The following TIAM1 variants were observed in gnomAD, a reference collection of about 807,000 sequenced individuals.
The protein encoded by TIAM1 is TIAM Rac1 associated GEF 1, also known as rho guanine nucleotide exchange factor TIAM1.
In TIAM1, 65 loss-of-function variants were observed where a neutral mutation model predicts 163.5. The observed-to-expected ratio is 0.40, with a 90% CI of 0.33 to 0.49. The LOEUF (loss-of-function observed/expected upper bound fraction) is 0.49, where lower values mean the gene tolerates loss of function less well. Among genes scored for constraint, TIAM1 ranks in the 20% least tolerant of loss-of-function variants. The pLI, the probability that TIAM1 is intolerant of heterozygous loss-of-function variation, is 0.77. For missense variants in TIAM1, 1,789 were observed against 2,044.7 expected, an observed-to-expected ratio of 0.87 and a Z score of 2.41; for synonymous variants, 833 against 810.1, an observed-to-expected ratio of 1.03 and a Z score of -0.48.
chr21:31,243,199 A>G (rs904721555), intron 6 of TIAM1, among the ~76,000 whole-genome samples: 3 of 131,870 alleles, frequency 2.3e-5, no homozygotes, highest in African/African-American at 9.4e-5. Flanking sequence ...TCTCAAAAAA[A>G]AAAAAAAAAA....
chr21:31,242,322 C>T (rs938606033), intron 6 of TIAM1, among the ~76,000 whole-genome samples: 1 of 151,994 alleles, frequency 6.6e-6, no homozygotes, highest in Admixed American at 6.6e-5. Flanking sequence ...GGGTTTGAGA[C>T]CACCCTGGGC....
chr21:31,325,667 C>CAAAAA (rs200884558), intron 2 of TIAM1, among the ~76,000 whole-genome samples: 1 of 99,958 alleles, frequency 1.0e-5, no homozygotes, highest in Non-Finnish European at 2.1e-5. Context: ...GACTCTGACT[C>CAAAAA]AAAAAAAAAA....
intron 2 of TIAM1, among the ~76,000 whole-genome samples, chr21:31,412,841 G>A (rs1481391410): frequency 3.4e-5 from 5 of 148,452 alleles, no homozygotes; most frequent in Non-Finnish European, 7.4e-5. Context: ...TCGCTCGCAT[G>A]TGCAGTTCAC....
chr21:31,488,589 A>C (rs1184118988), intron 1 of TIAM1, among the ~76,000 whole-genome samples: 1 of 152,204 alleles, frequency 6.6e-6, no homozygotes, highest in Non-Finnish European at 1.5e-5. Flanking sequence ...ATCACAGCGG[A>C]AGGTGAAGGA....
Position 31,357,925 on chromosome 21 carries a change from T to G in TIAM1, c.-368-18503A>C, listed in dbSNP as rs151079735. On this transcript the variant is annotated intron_variant, in intron 2 of 28. Transcript: ENST00000286827. ...CTTGCTGGCTGCCTTTGCTGGTTCC[T>G]CCTCTTCTCCCTGACCTCTTAATGT... Among the ~76,000 whole-genome samples the G allele has an allele frequency of 6.6e-3, 1,003 of 152,298 alleles. 16 individuals are homozygous for G. Among genetic ancestry groups the G allele is most frequent in the African/African-American group, 0.023 (974 of 41,576 alleles).
chr21:31,301,962 T>C (rs1218063631), intron 2 of TIAM1, among the ~76,000 whole-genome samples: 5 of 150,744 alleles, frequency 3.3e-5, no homozygotes, highest in Admixed American at 6.6e-5. Flanking sequence ...TGTGTGTGTA[T>C]ATATGTGTGC....
intron 1 of TIAM1, among the ~76,000 whole-genome samples, chr21:31,551,496 T>C (rs1569428682): frequency 1.3e-5 from 2 of 152,052 alleles, no homozygotes; most frequent in African/African-American, 4.8e-5. Context: ...TCCAGAACTT[T>C]GGGAGGCTGA....
At chr21:31,551,567 C>T (rs1043643417) in intron 1 of TIAM1, among the ~76,000 whole-genome samples, 1 of 151,388 alleles carries the variant, frequency 6.6e-6, no homozygotes, top group Non-Finnish European at 1.5e-5. Context: ...AGTAGAACCC[C>T]TATCTCTATA....
At chr21:31,142,452 T>A (rs2082888455) in intron 20 of TIAM1, among the ~76,000 whole-genome samples, 1 of 104,742 alleles carries the variant, frequency 9.5e-6, no homozygotes. Context: ...ATCTCATCTC[T>A]ACTAAAAATA....
At chr21:31,391,230 G>A (rs1489205637) in intron 2 of TIAM1, among the ~76,000 whole-genome samples, 1 of 152,118 alleles carries the variant, frequency 6.6e-6, no homozygotes, top group African/African-American at 2.4e-5. Flanking sequence ...GGAGGATAAG[G>A]AAAGGTCATG....
intron 15 of TIAM1, among the ~76,000 whole-genome samples, chr21:31,171,317 G>A (rs753290904): frequency 4.6e-5 from 7 of 152,122 alleles, no homozygotes; most frequent in Admixed American, 6.5e-5. Context: ...AGGGGAGAGA[G>A]AGATTTCTTA....
intron 7 of TIAM1, 70 bp downstream of exon 7, chr21:31,225,656 C>CAAAAA: frequency 2.8e-6 from 3 of 1,082,324 alleles, no homozygotes; most frequent in African/African-American, 1.8e-5. Context: ...TCCAAAACAG[C>CAAAAA]AAAAAAAAAA....
chr21:31,281,878 G>C (rs2073584550), intron 2 of TIAM1, among the ~76,000 whole-genome samples: 1 of 152,080 alleles, frequency 6.6e-6, no homozygotes, highest in African/African-American at 2.4e-5. Context: ...ATAGATGGAT[G>C]GTAGATGGGC....
Position 31,396,788 on chromosome 21 carries a change from T to C in TIAM1, c.-368-57366A>G, listed in dbSNP as rs143273605. On this transcript the variant is annotated intron_variant, in intron 2 of 28. Transcript: ENST00000286827. ...TCACATGGTGAAACCCCACCTTTAC[T>C]AAAAATACAAAAATTAGCCGGGCCT... 5.8e-3 allele frequency among the ~76,000 whole-genome samples: 884 copies of C among 151,794 alleles called. 11 individuals carry two copies. Among genetic ancestry groups the C allele is most frequent in the African/African-American group, 0.02 (828 of 41,418 alleles).
intron 6 of TIAM1, among the ~76,000 whole-genome samples, chr21:31,235,852 C>T (rs1439218019): frequency 6.6e-6 from 1 of 152,156 alleles, no homozygotes; most frequent in African/African-American, 2.4e-5. Flanking sequence ...CTGAGGCACC[C>T]ACAAGAAGGC....
rs528073157 is a variant in TIAM1 at position 31,539,427 on chromosome 21, G to A, written c.-422+19500C>T. On this transcript the variant is annotated intron_variant, in intron 1 of 28. Coordinates refer to the TIAM1 transcript ENST00000286827. ...ACTACAGGCGCCCACCACCACACCC[G>A]GCTAATTTTTTGTATTTTTAGTAGA... 2.9e-4 allele frequency among the ~76,000 whole-genome samples: 44 copies of A among 151,056 alleles called. 1 individual carries two copies. In the South Asian group the frequency reaches 3.5e-3, roughly 12 times the overall value.
intron 8 of TIAM1, among the ~76,000 whole-genome samples, chr21:31,223,091 T>C (rs962576332): frequency 1.3e-5 from 2 of 152,022 alleles, no homozygotes; most frequent in African/African-American, 2.4e-5. Context: ...AAATATGTAT[T>C]TGGGTTCCAA....
chr21:31,405,689 G>C (rs1457111008), intron 2 of TIAM1, among the ~76,000 whole-genome samples: 4 of 152,100 alleles, frequency 2.6e-5, no homozygotes, highest in African/African-American at 7.2e-5. Flanking sequence ...CAGATCTCAT[G>C]AGACCCATTC....
chr21:31,475,908 T>G (rs927175070), intron 1 of TIAM1, among the ~76,000 whole-genome samples: 13 of 152,224 alleles, frequency 8.5e-5, no homozygotes, highest in Non-Finnish European at 2.9e-5. Flanking sequence ...CAGGTCATTT[T>G]TATATAAACA....
Sources: allele counts gnomAD v4.1 joint callset (sites outside exome capture counted in the v4.1 genomes callset), GRCh38; gene constraint gnomAD v4.1.1; transcripts MANE v1.5; gene names NCBI Gene and HGNC (gene_info 2026-07-23, HGNC 2026-07-21).